SVEP1: variants seen among roughly 807,000 people sequenced by gnomAD.
The protein encoded by SVEP1 is sushi, von Willebrand factor type A, EGF and pentraxin domain containing 1, also known as sushi, von Willebrand factor type A, EGF and pentraxin domain-containing protein 1.
SVEP1 carries 164 observed loss-of-function variants against 367.3 expected under a neutral mutation model. That is an observed-to-expected ratio of 0.45 (90% CI 0.39 to 0.51). SVEP1 has a LOEUF of 0.51. Ranked by LOEUF, SVEP1 falls within the 20% of genes least tolerant of loss-of-function variation. The probability of loss-of-function intolerance (pLI) is 0.00; values close to 1 mark genes in which losing one functional copy is unlikely to be tolerated. For missense variants in SVEP1, 4,117 were observed against 4,425.3 expected (o/e 0.93, Z 1.98); for synonymous variants, 1,666 against 1,611.6 (o/e 1.03, Z -0.81).
chr9:110,434,797 T>G (rs970835049), intron 29 of SVEP1, among the ~76,000 whole-genome samples: 4 of 151,778 alleles, frequency 2.6e-5, no homozygotes, highest in Non-Finnish European at 5.9e-5. Flanking sequence ...GAAACTCATT[T>G]AAATAAATTT....
rs944477292 is a variant in SVEP1, at chr9:110,530,993, A to C, written c.964+15122T>G. Among the ~76,000 whole-genome samples the C allele has an allele frequency of 3.3e-5, 5 of 152,186 alleles. No homozygotes were observed. The East Asian group carries it at 9.6e-4, about 29-fold the overall frequency. ...ATTTTAAAAAGTGTAATGTTTCTCC[A>C]TAACAAATTTTATTGATTTTAAACT... On this transcript the variant is annotated intron_variant, in intron 3 of 47. Coordinates refer to ENST00000374469, the MANE Select transcript of SVEP1 (RefSeq NM_153366.4).
intron 18 of SVEP1, among the ~76,000 whole-genome samples, chr9:110,460,582 G>A (rs907684288): frequency 4.1e-4 from 63 of 152,156 alleles, no homozygotes; most frequent in African/African-American, 1.3e-3. Context: ...GCGAAACACC[G>A]TCTCTACTAA....
At chr9:110,377,429 A>G in intron 44 of SVEP1, 63 bp from the exon 45 acceptor site, 1 of 1,481,200 alleles carries the variant, frequency 6.8e-7, no homozygotes, top group Non-Finnish European at 9.4e-7. Flanking sequence ...GTCAGAAAAT[A>G]GAATTGCCCC....
At chr9:110,402,782 A>G (rs1827883709) in intron 39 of SVEP1, among the ~76,000 whole-genome samples, 1 of 152,120 alleles carries the variant, frequency 6.6e-6, no homozygotes. Flanking sequence ...TCTATATCTA[A>G]AAGGGACCAT....
intron 27 of SVEP1, among the ~76,000 whole-genome samples, chr9:110,441,392 A>C (rs1243301923): frequency 2.6e-5 from 4 of 152,088 alleles, no homozygotes; most frequent in Admixed American, 1.3e-4. Flanking sequence ...TTTATAAATC[A>C]CCCTTGCTCC....
At position 110,435,349 on chromosome 9, in the gene SVEP1, T is replaced by C. The variant is rs1432420651; in HGVS notation, c.4780A>G (p.Thr1594Ala). Reference protein sequence around the residue: ...LSPQQVKSLATSCPEELSKGN... With the variant: ...LSPQQVKSLAASCPEELSKGN... ...TTACTGAGTTCCTCTGGGCAGGAGG[T>C]AGCCAGTGACTTCACCTGAAAGTTT... The change falls in exon 29 of 48, where the codon ACC becomes GCC. Residue 1594 changes from threonine (T) to alanine (A), a missense_variant. Thr to Ala is a moderately conservative substitution (Grantham distance 58). Transcript: ENST00000374469. 6.2e-7 allele frequency: 1 copy of C among 1,613,138 alleles called. No individual in the cohort carries two copies. The highest frequency in any genetic ancestry group is 8.5e-7 in the Non-Finnish European group (1 of 1,179,406).
At chr9:110,444,961 G>A (rs571045028) in intron 26 of SVEP1, among the ~76,000 whole-genome samples, 2 of 152,140 alleles carry the variant, frequency 1.3e-5, no homozygotes, top group Non-Finnish European at 2.9e-5. Context: ...AGAATAGTGA[G>A]ATTCCCTTGG....
At chr9:110,392,146 T>C (rs1211471925) in intron 40 of SVEP1, among the ~76,000 whole-genome samples, 3 of 148,010 alleles carry the variant, frequency 2.0e-5, no homozygotes, top group South Asian at 2.1e-4. Flanking sequence ...TATATATATA[T>C]ATATATATCT....
At chr9:110,566,275 T>C (rs965983703) in intron 1 of SVEP1, among the ~76,000 whole-genome samples, 1 of 151,504 alleles carries the variant, frequency 6.6e-6, no homozygotes, top group East Asian at 1.9e-4. Context: ...TGAGTCGTGA[T>C]AGTGCCACTG....
intron 17 of SVEP1, 85 bp downstream of exon 17, chr9:110,468,855 G>T: frequency 7.4e-7 from 1 of 1,349,760 alleles, no homozygotes; most frequent in Non-Finnish European, 9.9e-7. Flanking sequence ...GCCGAGTGTT[G>T]GGTGAAGAAA....
rs373060292 is a variant in SVEP1, at chr9:110,513,811, C to T, written c.1123+137G>A. The T allele has an allele frequency of 2.9e-6, 3 of 1,027,984 alleles. No homozygotes were observed. The South Asian group carries it at 5.2e-5, about 18-fold the overall frequency. 63.7% of individuals were successfully genotyped at this position (1,027,984 alleles called of 1,614,324 possible). A position where few individuals can be genotyped will look rare whatever the true frequency, so the allele number is the denominator to read the frequency against. Reference sequence around the variant, plus strand: ...TAAGAATGTTATAAAAGCAAATCATCCCACTCCCCCAAAAAATATGATTAG... The same window carrying T: ...TAAGAATGTTATAAAAGCAAATCATTCCACTCCCCCAAAAAATATGATTAG... On this transcript the variant is annotated intron_variant, in intron 4 of 47. Coordinates refer to ENST00000374469, the MANE Select transcript of SVEP1 (RefSeq NM_153366.4).
At chr9:110,574,953 G>A (rs1175686244) in intron 1 of SVEP1, among the ~76,000 whole-genome samples, 1 of 151,980 alleles carries the variant, frequency 6.6e-6, no homozygotes, top group Non-Finnish European at 1.5e-5. Flanking sequence ...CACCGTGTTA[G>A]CCAGGACGGT....
intron 1 of SVEP1, among the ~76,000 whole-genome samples, chr9:110,578,164 A>G (rs1482248127): frequency 1.3e-5 from 2 of 152,224 alleles, no homozygotes; most frequent in African/African-American, 4.8e-5. Context: ...AGTAAGGAAA[A>G]ATCCTAAGTG....
At chr9:110,538,591 T>G (rs1830106905) in intron 3 of SVEP1, among the ~76,000 whole-genome samples, 1 of 152,158 alleles carries the variant, frequency 6.6e-6, no homozygotes, top group Admixed American at 6.6e-5. Flanking sequence ...TATTCCAGTG[T>G]TTCTATTTCG....
intron 22 of SVEP1, among the ~76,000 whole-genome samples, chr9:110,454,547 G>A (rs1414486367): frequency 6.6e-6 from 1 of 152,132 alleles, no homozygotes; most frequent in Non-Finnish European, 1.5e-5. Flanking sequence ...GCAAAGACAT[G>A]GAATACACCT....
intron 26 of SVEP1, 73 bp downstream of exon 26, chr9:110,445,764 C>T (rs1286523986): frequency 4.6e-6 from 7 of 1,537,820 alleles, no homozygotes; most frequent in South Asian, 1.2e-5. Flanking sequence ...TCCCATTTCC[C>T]ATCCTCAATG....
chr9:110,369,415 C>T (rs552291354), intron 47 of SVEP1, among the ~76,000 whole-genome samples: 5 of 152,178 alleles, frequency 3.3e-5, no homozygotes, highest in South Asian at 2.1e-4. Flanking sequence ...TTAAAATAAA[C>T]GTTTCTTATC....
chr9:110,570,889 C>T (rs562409502), intron 1 of SVEP1, among the ~76,000 whole-genome samples: 13 of 152,018 alleles, frequency 8.6e-5, no homozygotes, highest in African/African-American at 2.7e-4. Flanking sequence ...CCTGGCCAGG[C>T]CAGTGGCATT....
intron 36 of SVEP1, among the ~76,000 whole-genome samples, chr9:110,425,714 T>C (rs1221164248): frequency 1.3e-5 from 2 of 152,244 alleles, no homozygotes; most frequent in African/African-American, 4.8e-5. Flanking sequence ...AAAACTCATC[T>C]TACTATATCT....
Sources: gnomAD v4.1 joint callset for allele counts (sites outside exome capture counted in the v4.1 genomes callset) on GRCh38, gnomAD v4.1.1 for gene constraint, MANE v1.5 for transcripts, NCBI Gene and HGNC (gene_info 2026-07-23, HGNC 2026-07-21) for gene names.